FAF1: variants seen among roughly 807,000 people sequenced by gnomAD.
The protein encoded by FAF1 is FAS-associated factor 1.
FAF1 carries 25 observed loss-of-function variants against 92.5 expected under a neutral mutation model. The observed-to-expected ratio is 0.27, with a 90% CI of 0.20 to 0.38. FAF1 has a LOEUF of 0.38. Ranked by LOEUF, FAF1 falls within the 10% of genes least tolerant of loss-of-function variation. The pLI is 1.00. For missense variants in FAF1, 636 were observed against 793.3 expected (o/e 0.80, Z 2.38); for synonymous variants, 234 against 273.2 (o/e 0.86, Z 1.42).
intron 7 of FAF1, among the ~76,000 whole-genome samples, chr1:50,689,765 A>C (rs1335991592): frequency 6.6e-6 from 1 of 152,240 alleles, no homozygotes; most frequent in Non-Finnish European, 1.5e-5. Flanking sequence ...AATGAATAAA[A>C]TACGGATTAC....
intron 17 of FAF1, among the ~76,000 whole-genome samples, chr1:50,487,203 A>T (rs187437696): frequency 6.6e-6 from 1 of 152,326 alleles, no homozygotes; most frequent in African/African-American, 2.4e-5. Flanking sequence ...TTGCTAGAAA[A>T]TGTGGAAAAA....
chr1:50,893,393 G>T (rs1306385955), intron 1 of FAF1, among the ~76,000 whole-genome samples: 1 of 152,220 alleles, frequency 6.6e-6, no homozygotes, highest in Non-Finnish European at 1.5e-5. Flanking sequence ...TGCATTAGGG[G>T]GCACCCCAAG....
chr1:50,588,462 T>C (rs1018916991), intron 9 of FAF1, among the ~76,000 whole-genome samples: 6 of 152,190 alleles, frequency 3.9e-5, no homozygotes, highest in African/African-American at 1.4e-4. Context: ...ATGAAAAAGT[T>C]ACCTCTTCCA....
At chr1:50,886,847 A>G (rs1295308200) in intron 1 of FAF1, among the ~76,000 whole-genome samples, 1 of 152,192 alleles carries the variant, frequency 6.6e-6, no homozygotes, top group Non-Finnish European at 1.5e-5. Context: ...ATACGTGTGC[A>G]TGTGTCCTTA....
chr1:50,631,204 C>T (rs979582876), intron 8 of FAF1, among the ~76,000 whole-genome samples: 10 of 152,002 alleles, frequency 6.6e-5, no homozygotes, highest in African/African-American at 9.7e-5. Flanking sequence ...TCCAGTAGTC[C>T]CTCCTTATAC....
At chr1:50,463,324 T>C (rs556318033) in intron 18 of FAF1, among the ~76,000 whole-genome samples, 1 of 152,194 alleles carries the variant, frequency 6.6e-6, no homozygotes, top group Non-Finnish European at 1.5e-5. Flanking sequence ...ACTTTGCCCA[T>C]GTACCTTTTT....
At chr1:50,846,792 C>A in intron 2 of FAF1, 1 of 691,812 alleles carries the variant, frequency 1.4e-6, no homozygotes. Flanking sequence ...AGGGATTGTC[C>A]CAATCCCACT....
chr1:50,656,603 C>T lies in FAF1; in HGVS notation c.658-1075G>A, dbSNP rs950168034. 7.9e-5 allele frequency among the ~76,000 whole-genome samples: 12 copies of T among 152,282 alleles called. No homozygotes were observed. In the East Asian group the frequency reaches 2.3e-3, roughly 29 times the overall value. ...TCAGCCAGTAATTAAGAAGTGTTGG[C>T]TAGGCATGGTGGCTCACGCCTGTAA... On this transcript the variant is annotated intron_variant, in intron 7 of 18. Transcript: ENST00000396153.
intron 15 of FAF1, among the ~76,000 whole-genome samples, chr1:50,508,155 C>T (rs192740016): frequency 6.6e-6 from 1 of 152,282 alleles, no homozygotes; most frequent in Admixed American, 6.5e-5. Flanking sequence ...ATGGTGCAGC[C>T]TCTCTAGAAG....
intron 4 of FAF1, among the ~76,000 whole-genome samples, chr1:50,766,221 T>A (rs1391140728): frequency 1.3e-5 from 2 of 152,182 alleles, no homozygotes; most frequent in Non-Finnish European, 2.9e-5. Flanking sequence ...AGCACAATTA[T>A]CAAAAGCAAA....
At chr1:50,526,471 T>A (rs1023186023) in intron 15 of FAF1, among the ~76,000 whole-genome samples, 1 of 151,846 alleles carries the variant, frequency 6.6e-6, no homozygotes, top group Admixed American at 6.5e-5. Flanking sequence ...TAAATAATTT[T>A]AAAATTTTTT....
intron 6 of FAF1, among the ~76,000 whole-genome samples, chr1:50,716,470 C>A (rs181199474): frequency 1.3e-5 from 2 of 152,132 alleles, no homozygotes; most frequent in Non-Finnish European, 2.9e-5. Flanking sequence ...CTTCCTGGGT[C>A]GAGTGGGGAC....
Position 50,583,748 on chromosome 1 carries a change from A to G in FAF1, c.968-33T>C, listed in dbSNP as rs1157175152. The G allele has an allele frequency of 6.8e-7, 1 of 1,471,456 alleles. No individual in the cohort carries two copies. Among genetic ancestry groups the G allele is most frequent in the Non-Finnish European group, 9.4e-7 (1 of 1,067,422 alleles). 91.1% of individuals were successfully genotyped at this position (1,471,456 alleles called of 1,614,324 possible). The stretch of plus-strand genomic sequence containing the variant: ...ACAAACAAAAGAAAAAACAAAAACA[A>G]AAAAACAAAACAAATAGACACAAAA... On this transcript the variant is annotated intron_variant, in intron 10 of 18. Coordinates refer to ENST00000396153, the MANE Select transcript of FAF1 (RefSeq NM_007051.3). The surrounding 1 kb of genome is among the most constrained non-coding windows in gnomAD (Gnocchi z 4.2).
chr1:50,569,854 T>C (rs1420763320), intron 12 of FAF1, among the ~76,000 whole-genome samples: 1 of 152,122 alleles, frequency 6.6e-6, no homozygotes, highest in South Asian at 2.1e-4. Context: ...GAGTTCTCTA[T>C]AAGTGCAGCC....
chr1:50,711,544 A>G (rs1419972828), intron 6 of FAF1, among the ~76,000 whole-genome samples: 2 of 136,064 alleles, frequency 1.5e-5, no homozygotes, highest in Non-Finnish European at 3.0e-5. Flanking sequence ...ATCTTGGCTC[A>G]CTGCAACCTC....
At chr1:50,742,014 A>C (rs1022971336) in intron 5 of FAF1, among the ~76,000 whole-genome samples, 1 of 152,150 alleles carries the variant, frequency 6.6e-6, no homozygotes, top group Non-Finnish European at 1.5e-5. Context: ...AGTACATAGA[A>C]ATAAGTAACT....
At chr1:50,613,646 C>T (rs1452634377) in intron 8 of FAF1, among the ~76,000 whole-genome samples, 1 of 152,130 alleles carries the variant, frequency 6.6e-6, no homozygotes, top group African/African-American at 2.4e-5. Context: ...AAATGTCTCA[C>T]ATAAGAATAA....
chr1:50,941,355 G>C (rs1645131319), intron 1 of FAF1, among the ~76,000 whole-genome samples: 1 of 152,044 alleles, frequency 6.6e-6, no homozygotes, highest in Non-Finnish European at 1.5e-5. Context: ...GACTACAGGT[G>C]CCAGCCACCA....
intron 8 of FAF1, among the ~76,000 whole-genome samples, chr1:50,640,526 C>T (rs1376587631): frequency 6.6e-6 from 1 of 151,940 alleles, no homozygotes; most frequent in Non-Finnish European, 1.5e-5. Flanking sequence ...GATCTCCTGA[C>T]CTTGTGATCC....
Sources: allele counts gnomAD v4.1 joint callset (sites outside exome capture counted in the v4.1 genomes callset), GRCh38; gene constraint gnomAD v4.1.1; non-coding constraint Gnocchi (gnomAD v3.1); transcripts MANE v1.5; gene names NCBI Gene and HGNC (gene_info 2026-07-23, HGNC 2026-07-21).